MYLK: variants seen among roughly 807,000 people sequenced by gnomAD.
The protein encoded by MYLK is myosin light chain kinase, smooth muscle.
Under a neutral mutation model 203.4 loss-of-function variants are expected in MYLK, and 106 were observed. The ratio of observed to expected loss-of-function variants is 0.52; its 90% CI spans 0.45 to 0.61. MYLK has a LOEUF of 0.61. Ranked by LOEUF, MYLK falls within the 20% of genes least tolerant of loss-of-function variation. The pLI, the probability that MYLK is intolerant of heterozygous loss-of-function variation, is 0.00. For missense variants in MYLK, 2,072 were observed against 2,442.3 expected (o/e 0.85, Z 3.20); for synonymous variants, 867 against 959.5 (o/e 0.90, Z 1.78).
intron 2 of MYLK, among the ~76,000 whole-genome samples, chr3:123,838,367 A>C (rs1298504568): frequency 2.0e-5 from 3 of 152,190 alleles, no homozygotes; most frequent in African/African-American, 7.2e-5. Context: ...AGCTGAGAGA[A>C]TTAATTATTA....
intron 19 of MYLK, chr3:123,692,418 G>A: frequency 8.2e-7 from 1 of 1,218,122 alleles, no homozygotes; most frequent in Admixed American, 3.5e-5. Flanking sequence ...TTTTCCTGTG[G>A]GTGTGTCTTT....
chr3:123,797,550 CCA>C (rs771055452), intron 3 of MYLK, among the ~76,000 whole-genome samples: 21 of 152,138 alleles, frequency 1.4e-4, no homozygotes, highest in Non-Finnish European at 2.2e-4. Flanking sequence ...TCCTCCTCTG[CCA>C]CAGAGGTGAA....
rs532020907 is a variant in MYLK at position 123,760,132 on chromosome 3, C to A, written c.166-7594G>T. On this transcript the variant is annotated intron_variant, in intron 4 of 33. Transcript: ENST00000360304. ...TCTGAGTTTACGTAACTGCAAAGTG[C>A]AGATGATATCAGAATCTACTTCCAT... is the stretch of plus-strand genomic sequence containing the variant. 5.9e-5 allele frequency among the ~76,000 whole-genome samples: 9 copies of A among 152,324 alleles called. No individual in the cohort carries two copies. The East Asian group carries it at 1.5e-3, about 26-fold the overall frequency.
At chr3:123,712,589 G>A (rs1426148797) in intron 13 of MYLK, among the ~76,000 whole-genome samples, 1 of 152,230 alleles carries the variant, frequency 6.6e-6, no homozygotes. Flanking sequence ...AGCCATTGGG[G>A]ACTAAAAGCC....
chr3:123,781,684 A>C (rs2064303738), intron 4 of MYLK, among the ~76,000 whole-genome samples: 1 of 152,160 alleles, frequency 6.6e-6, no homozygotes, highest in African/African-American at 2.4e-5. Flanking sequence ...TGAAGATGGG[A>C]GCAACGGTCA....
intron 11 of MYLK, among the ~76,000 whole-genome samples, chr3:123,728,783 C>T (rs1598530): frequency 0.017 from 2,550 of 152,228 alleles, 75 homozygotes; most frequent in African/African-American, 0.058. Flanking sequence ...AAACCCCATG[C>T]GTAAGAGAAT....
At chr3:123,773,705 G>A (rs1012360163) in intron 4 of MYLK, among the ~76,000 whole-genome samples, 3 of 152,184 alleles carry the variant, frequency 2.0e-5, no homozygotes, top group Non-Finnish European at 2.9e-5. Context: ...ACATATGGGA[G>A]GGCTGTGCTT....
At chr3:123,880,834 C>T (rs12488058) in intron 1 of MYLK, among the ~76,000 whole-genome samples, 67,369 of 151,946 alleles carry the variant, frequency 0.44, 17,903 homozygotes, top group Non-Finnish European at 0.62. Context: ...CTCCTCCTGC[C>T]CCAGCTGACT....
rs955891348 is a variant in MYLK, at chr3:123,812,837, G to A, written c.-4+18711C>T. On this transcript the variant is annotated intron_variant, in intron 3 of 33. Coordinates refer to ENST00000360304, the MANE Select transcript of MYLK (RefSeq NM_053025.4). ...TGTGAAGGTCTTTACCTCCTGTTTC[G>A]CAGTGCTCCCAAGATGTCCAGCCAG... Among the ~76,000 whole-genome samples the A allele has an allele frequency of 3.9e-4, 60 of 152,118 alleles. 1 individual carries two copies. The highest frequency in any genetic ancestry group is 2.4e-3 in the Admixed American group (36 of 15,280).
chr3:123,762,867 AGGGCTGTAAGAAATG>A (rs2063579204), intron 4 of MYLK, among the ~76,000 whole-genome samples: 2 of 152,216 alleles, frequency 1.3e-5, no homozygotes, highest in Non-Finnish European at 2.9e-5. Flanking sequence ...CTCAGCTTCT[AGGGCTGTAAGAAATG>A]AATTCCTATT....
At chr3:123,636,317 G>A (rs77823756) in intron 29 of MYLK, among the ~76,000 whole-genome samples, 8,466 of 152,306 alleles carry the variant, frequency 0.056, 354 homozygotes, top group Admixed American at 0.088. Context: ...TCACCTCAAC[G>A]CCACATGAAG....
At chr3:123,785,231 T>G (rs942815187) in intron 4 of MYLK, among the ~76,000 whole-genome samples, 15 of 152,260 alleles carry the variant, frequency 9.9e-5, no homozygotes, top group Non-Finnish European at 2.1e-4. Context: ...CTCTTTGGAC[T>G]GCTTCATGTT....
intron 5 of MYLK, among the ~76,000 whole-genome samples, chr3:123,742,727 GA>G (rs11350288): frequency 0.036 from 5,406 of 152,240 alleles, 310 homozygotes; most frequent in African/African-American, 0.12. Context: ...AAATTAGACT[GA>G]TTAACTGATG....
At chr3:123,789,290 T>C (rs143428634) in intron 4 of MYLK, among the ~76,000 whole-genome samples, 2 of 152,262 alleles carry the variant, frequency 1.3e-5, no homozygotes, top group East Asian at 3.9e-4. Context: ...TGAATTTTCA[T>C]CTACCTCACT....
At chr3:123,727,968 AC>A (rs1056294649) in intron 11 of MYLK, among the ~76,000 whole-genome samples, 1 of 152,162 alleles carries the variant, frequency 6.6e-6, no homozygotes, top group Admixed American at 6.5e-5. Context: ...CCATCAGATG[AC>A]CTGCTTCATG....
intron 3 of MYLK, among the ~76,000 whole-genome samples, chr3:123,821,819 T>C (rs1176969926): frequency 6.6e-6 from 1 of 152,214 alleles, no homozygotes; most frequent in Non-Finnish European, 1.5e-5. Context: ...TTTACCTATA[T>C]AGATTAACTT....
chr3:123,643,077 C>G (rs910713523), intron 27 of MYLK, among the ~76,000 whole-genome samples: 1 of 152,186 alleles, frequency 6.6e-6, no homozygotes, highest in Non-Finnish European at 1.5e-5. Flanking sequence ...AAAGTCACTC[C>G]CCATTTCTTC....
At chr3:123,652,409 G>C (rs1047081415) in intron 24 of MYLK, among the ~76,000 whole-genome samples, 1 of 152,222 alleles carries the variant, frequency 6.6e-6, no homozygotes. Context: ...CGTTACCCTG[G>C]AGTGTTTGGG....
chr3:123,806,427 A>G (rs1322582493), intron 3 of MYLK, among the ~76,000 whole-genome samples: 2 of 152,196 alleles, frequency 1.3e-5, no homozygotes, highest in Non-Finnish European at 2.9e-5. Context: ...GTGCCTGTAT[A>G]TAAGAGCAAG....
Sources: allele counts gnomAD v4.1 joint callset (sites outside exome capture counted in the v4.1 genomes callset), GRCh38; gene constraint gnomAD v4.1.1; transcripts MANE v1.5; gene names NCBI Gene and HGNC (gene_info 2026-07-23, HGNC 2026-07-21).